The following IFT43 variants were observed in gnomAD, a reference collection of about 807,000 sequenced individuals.
IFT43 encodes the protein intraflagellar transport 43, also known as intraflagellar transport protein 43 homolog.
IFT43 carries 33 observed loss-of-function variants against 32.3 expected under a neutral mutation model. That is an observed-to-expected ratio of 1.02 (90% confidence interval 0.77 to 1.37). The LOEUF (loss-of-function observed/expected upper bound fraction) is 1.37. Among genes scored for constraint, IFT43 ranks in the 40% most tolerant of loss-of-function variants. IFT43 has a pLI of 0.00. For synonymous variants in IFT43, 93 were observed against 98.2 expected (o/e 0.95, Z 0.31); for missense variants, 274 against 265.9 (o/e 1.03, Z -0.21).
chr14:75,998,347 G>C (rs1397893767), intron 2 of IFT43, among the ~76,000 whole-genome samples: 5 of 152,184 alleles, frequency 3.3e-5, no homozygotes, highest in Non-Finnish European at 7.3e-5. Context: ...TGTATACCAG[G>C]CTGTGGGCTG....
intron 3 of IFT43, among the ~76,000 whole-genome samples, chr14:76,057,990 C>A (rs1417202583): frequency 1.3e-5 from 2 of 152,162 alleles, no homozygotes; most frequent in Non-Finnish European, 2.9e-5. Flanking sequence ...CTGCCCCCAC[C>A]CACCCAGACC....
At chr14:75,999,275 A>ATTT (rs1566699717) in intron 2 of IFT43, among the ~76,000 whole-genome samples, 1 of 18,412 alleles carries the variant, frequency 5.4e-5, no homozygotes, top group African/African-American at 2.0e-4. Flanking sequence ...ATATATATGT[A>ATTT]TATATATTTT....
intron 5 of IFT43, among the ~76,000 whole-genome samples, chr14:76,080,849 A>G (rs1361585301): frequency 1.3e-5 from 2 of 152,266 alleles, no homozygotes; most frequent in African/African-American, 2.4e-5. Context: ...ATAGAGAGAT[A>G]TAATCTAAGC....
At chr14:76,053,312 A>G (rs11159165) in intron 3 of IFT43, among the ~76,000 whole-genome samples, 53,248 of 151,776 alleles carry the variant, frequency 0.35, 9,456 homozygotes, top group African/African-American at 0.4. Context: ...GTGGGCTGAG[A>G]CCTGGGACTG....
At chr14:76,015,305 A>G (rs1314560875) in intron 2 of IFT43, among the ~76,000 whole-genome samples, 1 of 152,090 alleles carries the variant, frequency 6.6e-6, no homozygotes, top group South Asian at 2.1e-4. Flanking sequence ...TTCCCTCTAA[A>G]TGCCCAAGCC....
chr14:76,046,422 A>C (rs765125693), intron 3 of IFT43, among the ~76,000 whole-genome samples: 1 of 152,122 alleles, frequency 6.6e-6, no homozygotes, highest in African/African-American at 2.4e-5. Flanking sequence ...GGAGGCAGCA[A>C]TATGTGCAAG....
chr14:76,000,408 G>A (rs2035861781), intron 2 of IFT43, among the ~76,000 whole-genome samples: 1 of 151,342 alleles, frequency 6.6e-6, no homozygotes, highest in Non-Finnish European at 1.5e-5. Flanking sequence ...AGGACTACAG[G>A]CGCCTGCCAC....
At chr14:75,999,239 A>AATATTCATT (rs1162558823) in intron 2 of IFT43, among the ~76,000 whole-genome samples, 1 of 9,618 alleles carries the variant, frequency 1.0e-4, no homozygotes, top group African/African-American at 6.1e-4. Context: ...ATATATATAT[A>AATATTCATT]TATATATATA....
intron 2 of IFT43, among the ~76,000 whole-genome samples, chr14:76,016,630 G>T (rs1284302477): frequency 6.6e-6 from 1 of 152,056 alleles, no homozygotes; most frequent in Non-Finnish European, 1.5e-5. Context: ...TATTGAACCT[G>T]TAGATTCCTT....
At position 75,999,281 on chromosome 14, in the gene IFT43, ATTTTT is replaced by A. The variant is rs371670856; in HGVS notation, c.147+10319_147+10323del. ...TATATATATATATATATGTATATAT[ATTTTT>A]TTTTTTTTTTTTTTAATTTTTTGTA... On this transcript the variant is annotated intron_variant, in intron 2 of 8. Transcript: ENST00000314067. Among the ~76,000 whole-genome samples, 10 of 39,054 alleles carry A rather than the reference ATTTTT, an allele frequency of 2.6e-4. 1 individual carries two copies. The highest frequency in any genetic ancestry group is 1.2e-3 in the Admixed American group (4 of 3,458). 25.6% of individuals were successfully genotyped at this position (39,054 alleles called of 152,430 possible). A position where few individuals can be genotyped will look rare whatever the true frequency, so the allele number is the denominator to read the frequency against.
chr14:76,058,907 T>C, intron 4 of IFT43: 1 of 1,462,110 alleles, frequency 6.8e-7, no homozygotes, highest in East Asian at 2.5e-5. Context: ...GTTTTAGAAT[T>C]ATATGTCCAG....
chr14:76,055,757 G>A (rs1461987390), intron 3 of IFT43, among the ~76,000 whole-genome samples: 2 of 152,114 alleles, frequency 1.3e-5, no homozygotes, highest in Admixed American at 6.5e-5. Context: ...TTGCATGTTC[G>A]CATTTCTATA....
chr14:76,052,012 C>T (rs2036922860), intron 3 of IFT43, among the ~76,000 whole-genome samples: 1 of 152,214 alleles, frequency 6.6e-6, no homozygotes, highest in Non-Finnish European at 1.5e-5. Flanking sequence ...GGGCCTTCCA[C>T]GGGCACAGGC....
At chr14:76,000,929 A>G (rs529372439) in intron 2 of IFT43, among the ~76,000 whole-genome samples, 4 of 152,332 alleles carry the variant, frequency 2.6e-5, no homozygotes, top group African/African-American at 7.2e-5. Flanking sequence ...AGGATTTTCA[A>G]AGAGGTCTGC....
At position 76,083,512 on chromosome 14, in the gene IFT43, C is replaced by A. The variant is rs749299067; in HGVS notation, c.562C>A (p.Leu188Ile). ...HLFTEVSSEV[L>I]TEWDPLQTEK... ...GTTCACTGAGGTGTCCTCAGAGGTC[C>A]TCACTGAGTGGGACCCACTGCAGAC... The change falls in exon 9 of 9, where the codon CTC becomes ATC. Residue 188 changes from leucine to isoleucine, a missense_variant. By Grantham distance (5) the Leu-to-Ile change is conservative (BLOSUM62 2). Coordinates refer to ENST00000314067, the MANE Select transcript of IFT43 (RefSeq NM_001102564.3). The A allele has an allele frequency of 1.2e-6, 2 of 1,614,148 alleles. No homozygotes were observed. Among genetic ancestry groups the A allele is most frequent in the South Asian group, 1.1e-5 (1 of 91,080 alleles).
intron 3 of IFT43, among the ~76,000 whole-genome samples, chr14:76,028,055 T>C (rs563985468): frequency 6.6e-6 from 1 of 152,088 alleles, no homozygotes; most frequent in Non-Finnish European, 1.5e-5. Flanking sequence ...AAGATTCAAG[T>C]TAAAGGTTGT....
rs1163111433 is a variant in IFT43, at chr14:76,082,069, G to A, written c.296-226G>A. 2.6e-5 allele frequency among the ~76,000 whole-genome samples: 4 copies of A among 152,348 alleles called. No homozygotes were observed. In the East Asian group the frequency reaches 5.8e-4, roughly 22 times the overall value. On this transcript the variant is annotated intron_variant, in intron 5 of 8. Coordinates refer to ENST00000314067, the MANE Select transcript of IFT43 (RefSeq NM_001102564.3). Reference sequence around the variant, plus strand: ...GGGAAAAAAATCTGGATGCTTGAGCGTGACCCAGGAGGTTCTATCTCAGCA... The same window carrying A: ...GGGAAAAAAATCTGGATGCTTGAGCATGACCCAGGAGGTTCTATCTCAGCA...
chr14:76,036,881 G>A (rs1370637922), intron 3 of IFT43, among the ~76,000 whole-genome samples: 3 of 151,318 alleles, frequency 2.0e-5, no homozygotes, highest in Non-Finnish European at 4.4e-5. Flanking sequence ...AGGCTAGAGT[G>A]CAGTGGCACG....
At chr14:76,083,761 A>G (rs937467074), downstream of IFT43, 1 of 717,078 alleles carries the variant, frequency 1.4e-6, no homozygotes, top group African/African-American at 1.7e-5. Context: ...ATTTCTTTCC[A>G]GTCTCTTCTT....
Sources: allele counts gnomAD v4.1 joint callset (sites outside exome capture counted in the v4.1 genomes callset), GRCh38; gene constraint gnomAD v4.1.1; transcripts MANE v1.5; gene names NCBI Gene and HGNC (gene_info 2026-07-23, HGNC 2026-07-21).